ENPP3: variants seen among roughly 807,000 people sequenced by gnomAD.
ENPP3 encodes the protein ectonucleotide pyrophosphatase/phosphodiesterase 3.
A neutral mutation model predicts 117.8 loss-of-function variants in ENPP3; 104 were observed. The ratio of observed to expected loss-of-function variants is 0.88; its 90% CI spans 0.75 to 1.04. The LOEUF is 1.04. Ranked by LOEUF, ENPP3 falls within the 50% of genes least tolerant of loss-of-function variation. The pLI, the probability that ENPP3 is intolerant of heterozygous loss-of-function variation, is 0.00. For missense variants in ENPP3, 1,026 were observed against 1,051.9 expected (o/e 0.98, Z 0.34); for synonymous variants, 380 against 349.9 (o/e 1.09, Z -0.96).
rs1391005006 is a variant in ENPP3, at chr6:131,733,671, T to A, written c.2037T>A (p.Cys679Ter). The change falls in exon 21 of 25, where the codon TGT (cysteine) becomes TGA (stop). Residue 679 changes from cysteine (C) to a stop codon, truncating the protein, a stop_gained. Transcript: ENST00000357639. LOFTEE classifies it high-confidence loss of function. Reference sequence around the variant, plus strand: ...TTCCTCCTTCTGAGAGCCAAAAATGTTCCTTCTATTTAGCAGACAAGAATA... The same window carrying A: ...TTCCTCCTTCTGAGAGCCAAAAATGATCCTTCTATTTAGCAGACAAGAATA... ...VRVPPSESQKCSFYLADKNIT... is the reference protein window; with the variant it reads ...VRVPPSESQK 6.2e-7 allele frequency: 1 copy of A among 1,614,134 alleles called. No homozygotes were observed.
chr6:131,686,690 T>G (rs1779160493), intron 14 of ENPP3, among the ~76,000 whole-genome samples: 1 of 152,098 alleles, frequency 6.6e-6, no homozygotes, highest in African/African-American at 2.4e-5. Context: ...TAGTCCACAG[T>G]GTCTATTGTT....
intron 21 of ENPP3, among the ~76,000 whole-genome samples, chr6:131,734,720 A>C (rs1229084981): frequency 1.3e-5 from 2 of 151,696 alleles, no homozygotes; most frequent in Non-Finnish European, 2.9e-5. Flanking sequence ...AACATGGTGA[A>C]ACCCTGTCCC....
intron 2 of ENPP3, among the ~76,000 whole-genome samples, chr6:131,644,484 T>C (rs904341272): frequency 3.3e-5 from 5 of 152,172 alleles, no homozygotes; most frequent in Non-Finnish European, 4.4e-5. Context: ...GGTAGATAGA[T>C]TTTATTGAAA....
Position 131,671,443 on chromosome 6 carries a change from G to A in ENPP3, c.642+116G>A. 8.7e-6 allele frequency: 6 copies of A among 690,920 alleles called. No individual in the cohort carries two copies. The South Asian group carries it at 1.0e-4, about 12-fold the overall frequency. 42.8% of individuals were successfully genotyped at this position (690,920 alleles called of 1,614,324 possible). A position where few individuals can be genotyped will look rare whatever the true frequency, so the allele number is the denominator to read the frequency against. On this transcript the variant is annotated intron_variant, in intron 7 of 24. Transcript: ENST00000357639. ...GACTTACCCTTCTGAAGCACATGGG[G>A]GGATAGTTCATGGCTGAATTCAGGC...
At chr6:131,666,958 G>T (rs1478491319) in intron 6 of ENPP3, among the ~76,000 whole-genome samples, 1 of 152,134 alleles carries the variant, frequency 6.6e-6, no homozygotes, top group Non-Finnish European at 1.5e-5. Context: ...GGCCCCAAGT[G>T]TCTAGAGTAT....
intron 23 of ENPP3, among the ~76,000 whole-genome samples, 181 bp downstream of exon 23, chr6:131,738,344 C>T (rs573758895): frequency 5.3e-5 from 8 of 151,902 alleles, no homozygotes; most frequent in Non-Finnish European, 1.0e-4. Context: ...AAAATTTAAA[C>T]TAATGGGCAA....
rs745405920 is a variant in ENPP3 at position 131,685,452 on chromosome 6, C to T, written c.1209C>T (p.Ala403=). The change falls in exon 13 of 25, where the codon GCC becomes GCT. Residue 403 remains alanine, a synonymous_variant. Transcript: ENST00000357639. ...INFFYMYEGP[A]PRIRAHNIPH... is the part of the protein sequence containing the mutation. Reference sequence around the variant, plus strand: ...TCTTCTACATGTACGAAGGGCCTGCCCCCCGCATCCGAGCTCATAATATAC... The same window carrying T: ...TCTTCTACATGTACGAAGGGCCTGCTCCCCGCATCCGAGCTCATAATATAC... 5 of 1,613,560 alleles carry T rather than the reference C, an allele frequency of 3.1e-6. No homozygotes were observed. In the African/African-American group the frequency reaches 6.7e-5, roughly 22 times the overall value.
intron 20 of ENPP3, among the ~76,000 whole-genome samples, chr6:131,732,097 C>T (rs1431303742): frequency 6.6e-6 from 1 of 152,174 alleles, no homozygotes; most frequent in Non-Finnish European, 1.5e-5. Context: ...GACAACATAG[C>T]TAATTTTGCT....
intron 5 of ENPP3, among the ~76,000 whole-genome samples, chr6:131,654,327 G>A (rs1778335888): frequency 1.3e-5 from 2 of 151,838 alleles, no homozygotes; most frequent in African/African-American, 2.4e-5. Context: ...TTTTTGTACA[G>A]ACAGGGGCTC....
intron 3 of ENPP3, 53 bp downstream of exon 3, chr6:131,650,202 AC>A: frequency 1.3e-6 from 2 of 1,597,348 alleles, no homozygotes; most frequent in Non-Finnish European, 1.7e-6. Context: ...TACTATTAAT[AC>A]ATGTCAAATT....
chr6:131,683,023 A>G, intron 11 of ENPP3, 31 bp from the exon 12 acceptor site: 1 of 1,308,236 alleles, frequency 7.6e-7, no homozygotes, highest in Non-Finnish European at 1.1e-6. Flanking sequence ...ACAACTCATT[A>G]CGACAATCTT....
At chr6:131,712,428 T>G (rs1178890586) in intron 15 of ENPP3, among the ~76,000 whole-genome samples, 1 of 146,576 alleles carries the variant, frequency 6.8e-6, no homozygotes, top group African/African-American at 2.7e-5. Flanking sequence ...AACATATGCC[T>G]CACTCCTGGG....
At chr6:131,656,307 C>T (rs1778383185) in intron 5 of ENPP3, among the ~76,000 whole-genome samples, 2 of 151,708 alleles carry the variant, frequency 1.3e-5, no homozygotes, top group Admixed American at 6.6e-5. Context: ...TTTTAGCAAT[C>T]GGAGAAATAA....
chr6:131,723,301 A>G (rs550887474), intron 18 of ENPP3, among the ~76,000 whole-genome samples: 1 of 152,344 alleles, frequency 6.6e-6, no homozygotes, highest in East Asian at 1.9e-4. Flanking sequence ...AAGGGGCTTT[A>G]CAGGACAAAA....
chr6:131,743,076 A>G (rs1012885022), intron 24 of ENPP3, among the ~76,000 whole-genome samples: 12 of 152,244 alleles, frequency 7.9e-5, no homozygotes, highest in Non-Finnish European at 1.5e-5. Flanking sequence ...TGATTATAAA[A>G]GAGATTGCAA....
chr6:131,739,456 A>G (rs973201984), intron 23 of ENPP3, among the ~76,000 whole-genome samples: 5 of 152,298 alleles, frequency 3.3e-5, no homozygotes, highest in African/African-American at 9.6e-5. Flanking sequence ...TGAAAGTCCA[A>G]ACATTTTGTG....
intron 15 of ENPP3, among the ~76,000 whole-genome samples, chr6:131,706,793 G>A (rs1266273812): frequency 1.3e-5 from 2 of 152,068 alleles, no homozygotes; most frequent in East Asian, 1.9e-4. Flanking sequence ...ATCCCCCGCT[G>A]GACATGGGTA....
At chr6:131,667,642 A>G (rs542454491) in intron 6 of ENPP3, among the ~76,000 whole-genome samples, 1 of 152,310 alleles carries the variant, frequency 6.6e-6, no homozygotes, top group South Asian at 2.1e-4. Context: ...CTGATCATAT[A>G]GCATCGTTCT....
At chr6:131,684,120 A>C (rs1779095388) in intron 12 of ENPP3, among the ~76,000 whole-genome samples, 1 of 152,048 alleles carries the variant, frequency 6.6e-6, no homozygotes, top group Admixed American at 6.5e-5. Context: ...GATCCTTCCT[A>C]GCTAGGGTGG....
Sources: gnomAD v4.1 joint callset for allele counts (sites outside exome capture counted in the v4.1 genomes callset) on GRCh38, gnomAD v4.1.1 for gene constraint, MANE v1.5 for transcripts, NCBI Gene and HGNC (gene_info 2026-07-23, HGNC 2026-07-21) for gene names.